TRPM3: variants seen among roughly 807,000 people sequenced by gnomAD.
TRPM3 encodes long transient receptor potential channel 3.
In TRPM3, 77 loss-of-function variants were observed where a neutral mutation model predicts 181.2. The ratio of observed to expected loss-of-function variants is 0.42; its 90% confidence interval spans 0.35 to 0.51. The LOEUF (loss-of-function observed/expected upper bound fraction) is 0.51, where lower values mean the gene tolerates loss of function less well. Among genes scored for constraint, TRPM3 ranks in the 20% least tolerant of loss-of-function variants. The pLI, the probability that TRPM3 is intolerant of heterozygous loss-of-function variation, is 0.01. For missense variants in TRPM3, 1,759 were observed against 2,196.7 expected, an observed-to-expected ratio of 0.80 and a Z score of 3.98; for synonymous variants, 745 against 796.4, an observed-to-expected ratio of 0.94 and a Z score of 1.09.
chr9:71,133,650 T>C (rs981869589), intron 1 of TRPM3, among the ~76,000 whole-genome samples: 1 of 152,180 alleles, frequency 6.6e-6, no homozygotes, highest in African/African-American at 2.4e-5. Flanking sequence ...AAGAGTTCTT[T>C]TTATATTAAG....
At chr9:70,832,518 A>G (rs1395984143) in intron 5 of TRPM3, among the ~76,000 whole-genome samples, 1 of 152,138 alleles carries the variant, frequency 6.6e-6, no homozygotes, top group African/African-American at 2.4e-5. Context: ...GTATACTTTG[A>G]CTTTGAAACA....
At chr9:71,010,712 T>A (rs2097727255) in intron 1 of TRPM3, among the ~76,000 whole-genome samples, 1 of 152,066 alleles carries the variant, frequency 6.6e-6, no homozygotes, top group Admixed American at 6.6e-5. Flanking sequence ...TGGAAAACAA[T>A]ATGAGCGTTC....
chr9:71,046,694 G>GA (rs35563602), intron 1 of TRPM3, among the ~76,000 whole-genome samples: 2 of 151,932 alleles, frequency 1.3e-5, no homozygotes, highest in African/African-American at 4.8e-5. Context: ...AGGAAGGTAG[G>GA]AAAAAAGAAA....
intron 8 of TRPM3, among the ~76,000 whole-genome samples, chr9:70,689,651 G>A (rs2067949290): frequency 6.6e-6 from 1 of 152,012 alleles, no homozygotes; most frequent in Non-Finnish European, 1.5e-5. Flanking sequence ...CTTGATATGA[G>A]TGTGACATTT....
intron 6 of TRPM3, among the ~76,000 whole-genome samples, chr9:70,790,527 G>A (rs555216412): frequency 1.3e-5 from 2 of 152,292 alleles, no homozygotes; most frequent in South Asian, 4.1e-4. Flanking sequence ...GAGAATTCAT[G>A]TACTTTGACA....
chr9:70,741,097 TCAAA>T (rs1441140576), intron 8 of TRPM3, among the ~76,000 whole-genome samples: 4 of 151,976 alleles, frequency 2.6e-5, no homozygotes, highest in Admixed American at 1.3e-4. Context: ...TACAAGAAAC[TCAAA>T]CAAATCAGCA....
At chr9:71,286,981 TTATA>T (rs1007111664) in intron 1 of TRPM3, among the ~76,000 whole-genome samples, 1 of 141,004 alleles carries the variant, frequency 7.1e-6, no homozygotes, top group African/African-American at 2.7e-5. Context: ...TATAATTATA[TTATA>T]TAATTATATT....
At chr9:70,677,150 C>T (rs1201468894) in intron 9 of TRPM3, among the ~76,000 whole-genome samples, 7 of 152,138 alleles carry the variant, frequency 4.6e-5, no homozygotes, top group Admixed American at 1.3e-4. Flanking sequence ...TTCCATAAGA[C>T]ACGCCCTCCA....
intron 25 of TRPM3, 72 bp downstream of exon 25, chr9:70,549,470 T>A: frequency 6.6e-7 from 1 of 1,515,362 alleles, no homozygotes; most frequent in African/African-American, 1.4e-5. Flanking sequence ...TGTGACCGTG[T>A]GAATAAATTC....
intron 8 of TRPM3, among the ~76,000 whole-genome samples, chr9:70,699,925 TG>T (rs2071861270): frequency 6.6e-6 from 1 of 152,188 alleles, no homozygotes; most frequent in Non-Finnish European, 1.5e-5. Flanking sequence ...GCATCAAAGA[TG>T]ACTCCAAGTT....
chr9:70,673,975 T>C (rs538905713), intron 9 of TRPM3, among the ~76,000 whole-genome samples: 178 of 146,096 alleles, frequency 1.2e-3, no homozygotes, highest in Non-Finnish European at 2.2e-3. Context: ...AAAAGAGTTA[T>C]AGTAACTTTG....
intron 1 of TRPM3, among the ~76,000 whole-genome samples, chr9:71,325,969 T>C (rs575171259): frequency 4.6e-5 from 7 of 152,340 alleles, no homozygotes; most frequent in Non-Finnish European, 8.8e-5. Context: ...CAGAAGATGT[T>C]TCTGCTACAA....
At chr9:70,886,855 G>A (rs1446232371) in intron 1 of TRPM3, among the ~76,000 whole-genome samples, 1 of 151,936 alleles carries the variant, frequency 6.6e-6, no homozygotes, top group African/African-American at 2.4e-5. Flanking sequence ...AGTAGAAACG[G>A]GGTTTCACCA....
At chr9:71,272,875 ATTT>A (rs879522122) in intron 1 of TRPM3, among the ~76,000 whole-genome samples, 2 of 142,868 alleles carry the variant, frequency 1.4e-5, no homozygotes. Context: ...GAAAGCGGTA[ATTT>A]TTTTTTTTTT....
At chr9:70,542,048 G>T (rs2043513875) in intron 25 of TRPM3, among the ~76,000 whole-genome samples, 1 of 152,206 alleles carries the variant, frequency 6.6e-6, no homozygotes, top group Non-Finnish European at 1.5e-5. Context: ...TTGAGCCCAG[G>T]AGACTGAGGC....
At chr9:71,287,081 AATTAT>A (rs1473910066) in intron 1 of TRPM3, among the ~76,000 whole-genome samples, 155 of 143,938 alleles carry the variant, frequency 1.1e-3, no homozygotes, top group African/African-American at 3.6e-3. Context: ...ATTATATATA[AATTAT>A]ATTATATGAT....
intron 8 of TRPM3, among the ~76,000 whole-genome samples, chr9:70,682,541 C>G (rs1022813240): frequency 2.6e-5 from 4 of 152,068 alleles, no homozygotes; most frequent in Non-Finnish European, 4.4e-5. Flanking sequence ...ATGAGATTGT[C>G]ACAGAGTCCA....
chr9:71,272,194 C>G (rs1705937366), intron 1 of TRPM3, among the ~76,000 whole-genome samples: 1 of 151,960 alleles, frequency 6.6e-6, no homozygotes, highest in Non-Finnish European at 1.5e-5. Context: ...TTTTTCTTAT[C>G]TTTTTAAAAA....
At chr9:71,089,099 T>TTA (rs3040588) in intron 1 of TRPM3, among the ~76,000 whole-genome samples, 274 of 147,630 alleles carry the variant, frequency 1.9e-3, no homozygotes, top group Middle Eastern at 7.2e-3. Context: ...CATATATATA[T>TTA]TATATATATG....
Sources: allele counts gnomAD v4.1 joint callset (sites outside exome capture counted in the v4.1 genomes callset), GRCh38; gene constraint gnomAD v4.1.1; transcripts MANE v1.5; gene names NCBI Gene and HGNC (gene_info 2026-07-23, HGNC 2026-07-21).